The following RAD51D variants were observed in gnomAD, a reference collection of about 807,000 sequenced individuals.
RAD51D encodes the protein DNA repair protein RAD51 homolog 4.
Under a neutral mutation model 44.1 loss-of-function variants are expected in RAD51D, and 38 were observed. That is an observed-to-expected ratio of 0.86 (90% confidence interval 0.67 to 1.13). The LOEUF is 1.13. RAD51D is among the 50% of genes most tolerant of loss of function. The pLI is 0.00. For missense variants in RAD51D, 390 were observed against 414.0 expected, an observed-to-expected ratio of 0.94 and a Z score of 0.50; for synonymous variants, 141 against 166.6, an observed-to-expected ratio of 0.85 and a Z score of 1.18.
chr17:35,115,896 A>AAAGG (rs201705308), intron 3 of RAD51D, among the ~76,000 whole-genome samples: 22,886 of 84,930 alleles, frequency 0.27, 4,330 homozygotes, highest in East Asian at 0.38. Context: ...GGAAAGAAGG[A>AAAGG]AAGGAAGGAA....
At chr17:35,107,178 C>A (rs1243377707) in intron 4 of RAD51D, 56 bp from the exon 5 acceptor site, 1 of 1,604,206 alleles carries the variant, frequency 6.2e-7, no homozygotes, top group Non-Finnish European at 8.5e-7. Flanking sequence ...CAGATGGGAG[C>A]TCCCCACCAA....
intron 1 of RAD51D, 122 bp downstream of exon 1, chr17:35,119,410 C>T (rs1315614948): frequency 2.4e-5 from 29 of 1,192,582 alleles, no homozygotes; most frequent in Middle Eastern, 2.1e-4. Flanking sequence ...TCCAGAAGCG[C>T]GGCCCTCTAG....
intron 3 of RAD51D, among the ~76,000 whole-genome samples, chr17:35,107,941 G>T (rs1567729043): frequency 6.6e-6 from 1 of 150,982 alleles, no homozygotes; most frequent in Non-Finnish European, 1.5e-5. Flanking sequence ...TTAGAGACGG[G>T]GTTTCACCAT....
rs1567725026 is a variant in RAD51D, at chr17:35,101,338, C to G, written c.766G>C (p.Asp256His). The change falls in exon 9 of 10, where the codon GAC (aspartate) becomes CAC (histidine). Residue 256 changes from aspartate to histidine, a missense_variant. Physicochemically the swap from Asp to His is moderately conservative, Grantham distance 81. Coordinates refer to ENST00000345365, the MANE Select transcript of RAD51D (RefSeq NM_002878.4). ...VVTNHITRDR[D>H]SGRLKPALGR... ...AGGGCAGGTTTGAGCCTCCCGCTGT[C>G]CCTGTCTCGAGTTATGTGGTTGGTC... The G allele has an allele frequency of 6.2e-7, 1 of 1,614,012 alleles. No individual in the cohort carries two copies.
rs996978191 is a variant in RAD51D at position 35,096,854 on chromosome 17, A to G, written c.*4099T>C. On this transcript the variant is annotated 3_prime_UTR_variant, in exon 10 of 10. Transcript: ENST00000345365. ...CCAGAGCAAGACTCTGTCTTGAAAC[A>G]TAAAAGAAATAAATATAAATAAGTG... The G allele has an allele frequency of 1.3e-5, 2 of 151,366 alleles. No individual in the cohort carries two copies. The highest frequency in any genetic ancestry group is 4.9e-5 in the African/African-American group (2 of 41,078). 9.4% of individuals were successfully genotyped at this position (151,366 alleles called of 1,614,324 possible).
chr17:35,119,100 C>CAGG lies in RAD51D; in HGVS notation c.144+8_144+10dup. The CAGG allele has an allele frequency of 6.2e-7, 1 of 1,610,946 alleles. No homozygotes were observed. Among genetic ancestry groups the CAGG allele is most frequent in the Non-Finnish European group, 8.5e-7 (1 of 1,177,104 alleles). ...ACACTCAGGTTTGGAATGTGGAGAT[C>CAGG]AGGAGCTCACCTTGTAAGACAAGCC... On this transcript the variant is annotated intron_variant, in intron 2 of 9. Coordinates refer to ENST00000345365, the MANE Select transcript of RAD51D (RefSeq NM_002878.4).
rs956821265 is a variant in RAD51D at position 35,101,247 on chromosome 17, G to T, written c.857C>A (p.Ala286Glu). The part of the protein sequence containing the change: ...ILLDTIEGAG[A>E]SGGRRMACLA... Reference sequence around the variant, plus strand: ...ACACGCCATGCGCCGGCCGCCTGATGCTCCTGCTCCCTCGATGGTGTCCAG... The same window carrying T: ...ACACGCCATGCGCCGGCCGCCTGATTCTCCTGCTCCCTCGATGGTGTCCAG... Residue 286 changes from alanine to glutamate, a missense_variant, in exon 9 of 10, where the codon GCA becomes GAA. By Grantham distance (107) the Ala-to-Glu change is moderately radical. Transcript: ENST00000345365. 1 of 1,614,194 alleles carries T rather than the reference G, an allele frequency of 6.2e-7. No individual in the cohort carries two copies. The highest frequency in any genetic ancestry group is 1.3e-5 in the African/African-American group (1 of 75,038).
At chr17:35,116,068 CAA>C (rs35916952) in intron 3 of RAD51D, among the ~76,000 whole-genome samples, 25 of 131,114 alleles carry the variant, frequency 1.9e-4, no homozygotes, top group African/African-American at 2.2e-4. Context: ...CAAACTCCGA[CAA>C]AAAAAAAAAA....
intron 3 of RAD51D, among the ~76,000 whole-genome samples, chr17:35,112,298 G>A (rs933133349): frequency 2.6e-5 from 4 of 152,088 alleles, no homozygotes; most frequent in Non-Finnish European, 4.4e-5. Context: ...GGATGGTCTC[G>A]ATCTCCTGAC....
At position 35,103,199 on chromosome 17, in the gene RAD51D, T is replaced by TA; in HGVS notation, c.738+54dup. 1 of 1,524,728 alleles carries TA rather than the reference T, an allele frequency of 6.6e-7. No homozygotes were observed. The highest frequency in any genetic ancestry group is 8.9e-7 in the Non-Finnish European group (1 of 1,120,074). 94.4% of individuals were successfully genotyped at this position (1,524,728 alleles called of 1,614,324 possible). A position where few individuals can be genotyped will look rare whatever the true frequency, so the allele number is the denominator to read the frequency against. ...TTCAGAAGCTGACATTTAAGGGAAA[T>TA]AAAGAGCTCGCAATAACTAGAAATC... is the stretch of plus-strand genomic sequence containing the variant. On this transcript the variant is annotated intron_variant, in intron 8 of 9. Coordinates refer to ENST00000345365, the MANE Select transcript of RAD51D (RefSeq NM_002878.4). The surrounding 1 kb of genome is among the most constrained non-coding windows in gnomAD (Gnocchi z 4.1).
intron 6 of RAD51D, among the ~76,000 whole-genome samples, chr17:35,105,185 C>T (rs922865205): frequency 1.6e-4 from 25 of 152,318 alleles, no homozygotes; most frequent in African/African-American, 2.4e-5. Context: ...TTCACTTCTC[C>T]GGCCTTCACT....
At chr17:35,102,615 C>T (rs1310860248) in intron 8 of RAD51D, among the ~76,000 whole-genome samples, 1 of 142,202 alleles carries the variant, frequency 7.0e-6, no homozygotes, top group Non-Finnish European at 1.5e-5. Context: ...GGAAACAGAG[C>T]GAAACCCTAT....
chr17:35,103,328 C>CAGG lies in RAD51D; in HGVS notation c.668-7_668-5dup, dbSNP rs1230625396. 1.9e-6 allele frequency: 3 copies of CAGG among 1,612,282 alleles called. No individual in the cohort carries two copies. Among genetic ancestry groups the CAGG allele is most frequent in the Non-Finnish European group, 2.5e-6 (3 of 1,179,208 alleles). On this transcript the variant is annotated splice_polypyrimidine_tract_variant and splice_region_variant and intron_variant, in intron 7 of 9. Coordinates refer to ENST00000345365, the MANE Select transcript of RAD51D (RefSeq NM_002878.4). This position sits in a 1 kb window ranked among gnomAD's most constrained non-coding sequence, Gnocchi z 4.1. The stretch of plus-strand genomic sequence containing the variant: ...AGCTGCATCATCAAGGCCAAGCCTG[C>CAGG]AGGAGGAGGAGAAGCAGAGAGGGAG...
rs879220419 is a variant in RAD51D at position 35,113,613 on chromosome 17, G to A, written c.263+4888C>T. ...GGGACTCCCCATGATTATACCCACA[G>A]GTTCCTGCCAGTCAAAACACTCTGG... On this transcript the variant is annotated intron_variant, in intron 3 of 9. Coordinates refer to ENST00000345365, the MANE Select transcript of RAD51D (RefSeq NM_002878.4). 101 of 425,056 alleles carry A rather than the reference G, an allele frequency of 2.4e-4. 1 individual carries two copies. The highest frequency in any genetic ancestry group is 1.4e-3 in the South Asian group (85 of 59,352). The allele number at this position is 425,056 out of a possible 1,614,324, so 26.3% of individuals were successfully genotyped here.
Position 35,097,105 on chromosome 17 carries a change from A to T in RAD51D, c.*3848T>A, listed in dbSNP as rs1171707764. ...TGTAAGAAGACACTCTGGGGACTCAATGATGTGGGTGTGAACATATATATA... is the reference window on the plus strand; with the variant it reads ...TGTAAGAAGACACTCTGGGGACTCATTGATGTGGGTGTGAACATATATATA... On this transcript the variant is annotated 3_prime_UTR_variant, in exon 10 of 10. Coordinates refer to ENST00000345365, the MANE Select transcript of RAD51D (RefSeq NM_002878.4). 1.3e-5 allele frequency: 2 copies of T among 150,408 alleles called. No individual in the cohort carries two copies. Among genetic ancestry groups the T allele is most frequent in the African/African-American group, 4.9e-5 (2 of 40,838 alleles). The allele number at this position is 150,408 out of a possible 1,614,324, so 9.3% of individuals were successfully genotyped here.
At chr17:35,116,270 C>A (rs2091744994) in intron 3 of RAD51D, among the ~76,000 whole-genome samples, 1 of 152,186 alleles carries the variant, frequency 6.6e-6, no homozygotes, top group African/African-American at 2.4e-5. Context: ...ACCCTGCACA[C>A]CTCTACCCCA....
In RAD51D at chr17:35,096,474, T is replaced by A. The variant is rs1021080779; in HGVS notation, c.*4479A>T. On this transcript the variant is annotated 3_prime_UTR_variant, in exon 10 of 10. Coordinates refer to ENST00000345365, the MANE Select transcript of RAD51D (RefSeq NM_002878.4). ...AACAAGCTTGAAGACAAAACCAACA[T>A]AAAAGAACAGAGCAGAAGGATGCAA... is the stretch of plus-strand genomic sequence containing the variant. 3.9e-5 allele frequency: 6 copies of A among 152,034 alleles called. No homozygotes were observed. Among genetic ancestry groups the A allele is most frequent in the Admixed American group, 2.6e-4 (4 of 15,250 alleles). 9.4% of individuals were successfully genotyped at this position (152,034 alleles called of 1,614,324 possible). A position where few individuals can be genotyped will look rare whatever the true frequency, so the allele number is the denominator to read the frequency against.
chr17:35,118,231 A>G (rs1397923565), intron 3 of RAD51D, among the ~76,000 whole-genome samples: 1 of 152,168 alleles, frequency 6.6e-6, no homozygotes, highest in Non-Finnish European at 1.5e-5. Context: ...GGCAGAGGCC[A>G]GAGATGCTGC....
chr17:35,114,640 T>C (rs1049546296), intron 3 of RAD51D, among the ~76,000 whole-genome samples: 2 of 151,964 alleles, frequency 1.3e-5, no homozygotes, highest in Non-Finnish European at 2.9e-5. Flanking sequence ...CAGTGAACTA[T>C]GATTGTGCAC....
Sources: allele counts gnomAD v4.1 joint callset (sites outside exome capture counted in the v4.1 genomes callset), GRCh38; gene constraint gnomAD v4.1.1; non-coding constraint Gnocchi (gnomAD v3.1); transcripts MANE v1.5; gene names NCBI Gene and HGNC (gene_info 2026-07-23, HGNC 2026-07-21).